The following PPP2R2B variants were observed in gnomAD, a reference collection of about 807,000 sequenced individuals.
PPP2R2B encodes serine/threonine-protein phosphatase 2A 55 kDa regulatory subunit B beta isoform.
Under a neutral mutation model 46.0 loss-of-function variants are expected in PPP2R2B, and 5 were observed. The observed-to-expected ratio is 0.11, with a 90% CI of 0.06 to 0.23. The LOEUF (loss-of-function observed/expected upper bound fraction) is 0.23, where lower values mean the gene tolerates loss of function less well. Ranked by LOEUF, PPP2R2B falls within the 10% of genes least tolerant of loss-of-function variation. The pLI is 1.00. For synonymous variants in PPP2R2B, 215 were observed against 206.7 expected, an observed-to-expected ratio of 1.04 and a Z score of -0.34; for missense variants, 367 against 575.0, an observed-to-expected ratio of 0.64 and a Z score of 3.70.
chr5:147,045,439 A>G (rs1756501158), intron 1 of PPP2R2B, among the ~76,000 whole-genome samples: 1 of 152,154 alleles, frequency 6.6e-6, no homozygotes, highest in Non-Finnish European at 1.5e-5. Context: ...GCTATACCAT[A>G]TAGCCTGGGT....
At chr5:146,910,793 G>T (rs1763151091) in intron 1 of PPP2R2B, among the ~76,000 whole-genome samples, 1 of 152,062 alleles carries the variant, frequency 6.6e-6, no homozygotes, top group African/African-American at 2.4e-5. Flanking sequence ...TTTTTAAAAA[G>T]AATATAGTAT....
intron 1 of PPP2R2B, among the ~76,000 whole-genome samples, chr5:147,023,467 C>T (rs1580817999): frequency 6.6e-6 from 1 of 151,828 alleles, no homozygotes; most frequent in East Asian, 1.9e-4. Context: ...AATGCAAGAC[C>T]CAACTAAATA....
upstream of PPP2R2B, chr5:147,056,265 A>T (rs1421547536): frequency 3.8e-6 from 1 of 262,166 alleles, no homozygotes; most frequent in Non-Finnish European, 5.9e-6. Context: ...CATGGATCTC[A>T]GGAATATTAA....
chr5:146,600,214 C>G (rs575823844), intron 8 of PPP2R2B, 77 bp downstream of exon 8: 3 of 1,511,144 alleles, frequency 2.0e-6, no homozygotes, highest in Admixed American at 3.9e-5. Context: ...GCACTGTAAA[C>G]CTTTGGAAGC....
At position 147,049,968 on chromosome 5, in the gene PPP2R2B, A is replaced by T. The variant is rs911643472; in HGVS notation, c.79+5697T>A. Among the ~76,000 whole-genome samples, 14 of 152,152 alleles carry T rather than the reference A, an allele frequency of 9.2e-5. 1 individual carries two copies. Among genetic ancestry groups the T allele is most frequent in the Non-Finnish European group, 5.9e-5 (4 of 68,034 alleles). ...ATACAGGCTCATGAGATCAGTGTTTAAAATGAGATGATTTATAGCATGTGT... is the reference window on the plus strand; with the variant it reads ...ATACAGGCTCATGAGATCAGTGTTTTAAATGAGATGATTTATAGCATGTGT... On this transcript the variant is annotated intron_variant, in intron 1 of 8. Coordinates refer to the PPP2R2B transcript ENST00000336640.
At chr5:147,027,752 G>T (rs528082658) in intron 1 of PPP2R2B, among the ~76,000 whole-genome samples, 2 of 152,092 alleles carry the variant, frequency 1.3e-5, no homozygotes, top group African/African-American at 4.8e-5. Context: ...GATGATCAAT[G>T]GGAGTATATA....
intron 5 of PPP2R2B, among the ~76,000 whole-genome samples, chr5:146,670,790 C>T (rs545472549): frequency 8.9e-4 from 135 of 152,132 alleles, no homozygotes; most frequent in African/African-American, 3.1e-3. Flanking sequence ...CCACTGCACC[C>T]GGCCCACTTA....
At chr5:147,035,808 A>C (rs370139059) in intron 1 of PPP2R2B, among the ~76,000 whole-genome samples, 61 of 149,338 alleles carry the variant, frequency 4.1e-4, no homozygotes, top group African/African-American at 1.5e-3. Flanking sequence ...GGAAAAAAAA[A>C]CAGTTTGGAT....
intron 1 of PPP2R2B, among the ~76,000 whole-genome samples, chr5:146,995,381 T>G (rs1423249670): frequency 6.6e-6 from 1 of 152,178 alleles, no homozygotes; most frequent in Non-Finnish European, 1.5e-5. Flanking sequence ...CTACACTCTG[T>G]GTTGAGGCTG....
chr5:146,929,712 A>G (rs1022854631), intron 1 of PPP2R2B, among the ~76,000 whole-genome samples: 1 of 152,182 alleles, frequency 6.6e-6, no homozygotes, highest in South Asian at 2.1e-4. Context: ...TCTATATTAC[A>G]TTGTATAAAT....
chr5:146,616,015 G>A (rs1330334094), intron 7 of PPP2R2B, among the ~76,000 whole-genome samples: 1 of 152,136 alleles, frequency 6.6e-6, no homozygotes, highest in Non-Finnish European at 1.5e-5. Context: ...AACCAAAACA[G>A]CATGGTACTG....
chr5:146,782,908 G>C (rs928754107), intron 2 of PPP2R2B, among the ~76,000 whole-genome samples: 1 of 152,026 alleles, frequency 6.6e-6, no homozygotes, highest in African/African-American at 2.4e-5. Flanking sequence ...GAGAAAGAAA[G>C]GGGAATGTGG....
intron 1 of PPP2R2B, among the ~76,000 whole-genome samples, chr5:147,051,057 G>A (rs1387908322): frequency 6.6e-6 from 1 of 152,178 alleles, no homozygotes; most frequent in African/African-American, 2.4e-5. Context: ...CTGAAGATGA[G>A]TAGGGCAGAA....
chr5:146,701,938 G>A (rs959992923), intron 2 of PPP2R2B, among the ~76,000 whole-genome samples: 1 of 151,906 alleles, frequency 6.6e-6, no homozygotes, highest in South Asian at 2.1e-4. Context: ...ACATGGACAG[G>A]TAAATTACCT....
chr5:146,982,799 C>G (rs1753235499), intron 1 of PPP2R2B, among the ~76,000 whole-genome samples: 1 of 151,692 alleles, frequency 6.6e-6, no homozygotes, highest in African/African-American at 2.4e-5. Flanking sequence ...TTCTCTGTCT[C>G]TTTAAATTTA....
At chr5:146,644,704 C>T (rs979157892) in intron 6 of PPP2R2B, among the ~76,000 whole-genome samples, 2 of 152,098 alleles carry the variant, frequency 1.3e-5, no homozygotes, top group Admixed American at 6.5e-5. Flanking sequence ...TCTGGGTTTC[C>T]ATTTCTTTGC....
intron 2 of PPP2R2B, among the ~76,000 whole-genome samples, chr5:147,072,367 T>A (rs996658201): frequency 6.6e-6 from 1 of 152,212 alleles, no homozygotes; most frequent in African/African-American, 2.4e-5. Flanking sequence ...ATTGTTGTAT[T>A]AGTGGTAGTA....
chr5:146,948,486 T>A (rs557978141), intron 1 of PPP2R2B, among the ~76,000 whole-genome samples: 1 of 152,258 alleles, frequency 6.6e-6, no homozygotes, highest in South Asian at 2.1e-4. Flanking sequence ...TTCTAGTTTC[T>A]AATAGTGCCT....
At chr5:146,823,348 C>T (rs1250199883) in intron 2 of PPP2R2B, among the ~76,000 whole-genome samples, 1 of 152,108 alleles carries the variant, frequency 6.6e-6, no homozygotes, top group Admixed American at 6.6e-5. Flanking sequence ...CAGGCGCCCA[C>T]CACAAGGCCC....
Sources: gnomAD v4.1 joint callset for allele counts (sites outside exome capture counted in the v4.1 genomes callset) on GRCh38, gnomAD v4.1.1 for gene constraint, MANE v1.5 for transcripts, NCBI Gene and HGNC (gene_info 2026-07-23, HGNC 2026-07-21) for gene names.